The following ABI2 variants were observed in gnomAD, a reference collection of about 807,000 sequenced individuals.
ABI2 encodes the protein abl interactor 2.
ABI2 carries 25 observed loss-of-function variants against 59.2 expected under a neutral mutation model. The ratio of observed to expected loss-of-function variants is 0.42; its 90% CI spans 0.31 to 0.59. The LOEUF is 0.59. Among genes scored for constraint, ABI2 ranks in the 20% least tolerant of loss-of-function variants. The pLI, the probability that ABI2 is intolerant of heterozygous loss-of-function variation, is 0.14. For missense variants in ABI2, 545 were observed against 681.8 expected (o/e 0.80, Z 2.23); for synonymous variants, 213 against 235.5 (o/e 0.90, Z 0.87).
intron 2 of ABI2, among the ~76,000 whole-genome samples, chr2:203,369,694 C>T (rs970586250): frequency 2.0e-5 from 3 of 152,086 alleles, no homozygotes; most frequent in Admixed American, 1.3e-4. Context: ...GTCAGGAATA[C>T]GTCGAACCTT....
At chr2:203,405,492 G>T (rs1373107762) in intron 9 of ABI2, among the ~76,000 whole-genome samples, 1 of 152,056 alleles carries the variant, frequency 6.6e-6, no homozygotes, top group East Asian at 1.9e-4. Context: ...GGAAGTTTCA[G>T]TGAGCCGAGA....
At chr2:203,378,871 A>G (rs190311818) in intron 2 of ABI2, among the ~76,000 whole-genome samples, 71 of 152,284 alleles carry the variant, frequency 4.7e-4, no homozygotes, top group Non-Finnish European at 8.8e-4. Flanking sequence ...TTTACGTTGT[A>G]TTCAGCACAT....
At chr2:203,402,803 C>T in intron 9 of ABI2, 69 bp downstream of exon 9, 1 of 1,357,148 alleles carries the variant, frequency 7.4e-7, no homozygotes. Context: ...ACAAAAAACC[C>T]TTAATTACAA....
intron 5 of ABI2, chr2:203,394,199 T>C (rs182812253): frequency 6.6e-6 from 1 of 152,452 alleles, no homozygotes; most frequent in Non-Finnish European, 1.5e-5. Context: ...ATATTTGGTA[T>C]ATAGAAAGGG....
chr2:203,356,869 A>G (rs891543850), intron 1 of ABI2, among the ~76,000 whole-genome samples: 18 of 151,954 alleles, frequency 1.2e-4, no homozygotes, highest in African/African-American at 4.4e-4. Flanking sequence ...TTTAGGTAAT[A>G]AGATGTATTG....
chr2:203,366,853 T>C, intron 1 of ABI2, 24 bp from the exon 2 acceptor site: 2 of 1,524,848 alleles, frequency 1.3e-6, no homozygotes, highest in Non-Finnish European at 8.8e-7. Flanking sequence ...GAATTAATGA[T>C]CACTGGTTTG....
chr2:203,386,990 C>A (rs1016524076), intron 4 of ABI2, among the ~76,000 whole-genome samples: 1 of 151,082 alleles, frequency 6.6e-6, no homozygotes, highest in Admixed American at 6.6e-5. Context: ...TTCAGAATAC[C>A]TTTAAAGCAG....
At chr2:203,330,853 G>T (rs1347569778) in intron 1 of ABI2, among the ~76,000 whole-genome samples, 1 of 152,054 alleles carries the variant, frequency 6.6e-6, no homozygotes, top group Admixed American at 6.6e-5. Context: ...AAAAGGATAA[G>T]GATTATTAAA....
intron 11 of ABI2, among the ~76,000 whole-genome samples, chr2:203,420,252 T>C (rs886072667): frequency 5.9e-5 from 9 of 152,224 alleles, no homozygotes; most frequent in African/African-American, 1.7e-4. Flanking sequence ...ACTTTTTTAC[T>C]GCCCGTTTTG....
Position 203,427,586 on chromosome 2 carries a change from C to A in ABI2, c.*234C>A, listed in dbSNP as rs1276943836. ...AGCTGTCTGGATTGAAATAAAATGA[C>A]CATTTTTATGTATGTCAAAGGTATA... On this transcript the variant is annotated 3_prime_UTR_variant, in exon 12 of 12. Transcript: ENST00000261018. The A allele has an allele frequency of 1.5e-5, 6 of 403,852 alleles. No individual in the cohort carries two copies. The Admixed American group carries it at 1.9e-4, about 13-fold the overall frequency. The allele number at this position is 403,852 out of a possible 1,614,324, so 25.0% of individuals were successfully genotyped here.
At position 203,337,746 on chromosome 2, in the gene ABI2, A is replaced by G. The variant is rs146063995; in HGVS notation, c.117+9115A>G. 2.1e-4 allele frequency among the ~76,000 whole-genome samples: 32 copies of G among 152,350 alleles called. 1 individual carries two copies. Among genetic ancestry groups the G allele is most frequent in the East Asian group, 1.7e-3 (9 of 5,188 alleles). On this transcript the variant is annotated intron_variant, in intron 1 of 11. Coordinates refer to ENST00000261018, the MANE Select transcript of ABI2 (RefSeq NM_001375670.1). Reference sequence around the variant, plus strand: ...TGATTTCAAACTATATTACAAAGCTATAGGCCTGGCATGGTGGTTCATGCT... The same window carrying G: ...TGATTTCAAACTATATTACAAAGCTGTAGGCCTGGCATGGTGGTTCATGCT...
At chr2:203,379,619 G>A (rs913292043) in intron 2 of ABI2, among the ~76,000 whole-genome samples, 1 of 152,082 alleles carries the variant, frequency 6.6e-6, no homozygotes, top group African/African-American at 2.4e-5. Flanking sequence ...ATACTAATAG[G>A]TCATTAGAAA....
intron 10 of ABI2, among the ~76,000 whole-genome samples, chr2:203,414,442 C>A (rs1470788): frequency 0.74 from 112,128 of 151,902 alleles, 42,484 homozygotes; most frequent in Middle Eastern, 0.87. Flanking sequence ...ATCAATGCCT[C>A]TGCCATCCTA....
chr2:203,395,863 C>T lies in ABI2; in HGVS notation c.850+83C>T, dbSNP rs549077944. The T allele has an allele frequency of 2.6e-5, 36 of 1,383,042 alleles. 1 individual carries two copies. The highest frequency in any genetic ancestry group is 5.9e-5 in the African/African-American group (4 of 67,614). The allele number at this position is 1,383,042 out of a possible 1,614,324, so 85.7% of individuals were successfully genotyped here. A position where few individuals can be genotyped will look rare whatever the true frequency, so the allele number is the denominator to read the frequency against. ...TGATTTAATTATGGTGGGCTTTCTT[C>T]GTAATCAGGATTTTTTTTCTTTAGG... On this transcript the variant is annotated intron_variant, in intron 7 of 11. Transcript: ENST00000261018.
chr2:203,401,992 C>A (rs2097242271), intron 8 of ABI2, among the ~76,000 whole-genome samples: 1 of 151,860 alleles, frequency 6.6e-6, no homozygotes, highest in Non-Finnish European at 1.5e-5. Flanking sequence ...ATTTTGAAAC[C>A]CCATCAGATT....
intron 1 of ABI2, among the ~76,000 whole-genome samples, chr2:203,363,503 A>T (rs148890452): frequency 7.1e-6 from 1 of 140,960 alleles, no homozygotes; most frequent in Non-Finnish European, 1.5e-5. Flanking sequence ...CTTTCCCTCT[A>T]CCTCCTCCTG....
chr2:203,395,028 T>C (rs2096915722), intron 6 of ABI2, 182 bp downstream of exon 6: 4 of 772,224 alleles, frequency 5.2e-6, no homozygotes, highest in Non-Finnish European at 6.7e-6. Context: ...AGTCAGGAAG[T>C]TGATAAAGAA....
intron 11 of ABI2, among the ~76,000 whole-genome samples, chr2:203,422,140 T>A (rs2098244740): frequency 6.6e-6 from 1 of 151,080 alleles, no homozygotes; most frequent in South Asian, 2.1e-4. Flanking sequence ...CTACAAAAAA[T>A]TAGAAAACTT....
At chr2:203,409,164 C>T (rs908135013) in intron 9 of ABI2, among the ~76,000 whole-genome samples, 5 of 152,170 alleles carry the variant, frequency 3.3e-5, no homozygotes, top group African/African-American at 1.2e-4. Flanking sequence ...TCACTGTCTT[C>T]TGCTTACCCT....
Sources: allele counts gnomAD v4.1 joint callset (sites outside exome capture counted in the v4.1 genomes callset), GRCh38; gene constraint gnomAD v4.1.1; transcripts MANE v1.5; gene names NCBI Gene and HGNC (gene_info 2026-07-23, HGNC 2026-07-21).